The following ATCAY variants were observed in gnomAD, a reference collection of about 807,000 sequenced individuals.
ATCAY encodes caytaxin.
Under a neutral mutation model 47.7 loss-of-function variants are expected in ATCAY, and 22 were observed. The ratio of observed to expected loss-of-function variants is 0.46; its 90% CI spans 0.33 to 0.66. The LOEUF is 0.66. ATCAY is among the 30% of genes least tolerant of loss of function. ATCAY has a pLI of 0.02. For missense variants in ATCAY, 452 were observed against 515.0 expected (o/e 0.88, Z 1.18); for synonymous variants, 216 against 207.6 (o/e 1.04, Z -0.35).
intron 9 of ATCAY, among the ~76,000 whole-genome samples, chr19:3,914,458 A>G (rs1387094396): frequency 6.6e-6 from 1 of 151,922 alleles, no homozygotes; most frequent in Non-Finnish European, 1.5e-5. Context: ...GTGACCTCCC[A>G]CCAGGTCACT....
chr19:3,891,585 G>A (rs1475108332), intron 2 of ATCAY, among the ~76,000 whole-genome samples: 2 of 151,784 alleles, frequency 1.3e-5, no homozygotes, highest in Non-Finnish European at 2.9e-5. Flanking sequence ...GCTGTGAAGG[G>A]TGAGGAGGGA....
intron 12 of ATCAY, among the ~76,000 whole-genome samples, chr19:3,922,980 C>T (rs1180532792): frequency 6.6e-6 from 1 of 152,112 alleles, no homozygotes; most frequent in Non-Finnish European, 1.5e-5. Flanking sequence ...CTCCTGACCT[C>T]GTGATCCACC....
At chr19:3,908,418 C>T in intron 6 of ATCAY, 48 bp downstream of exon 6, 1 of 1,474,376 alleles carries the variant, frequency 6.8e-7, no homozygotes, top group Non-Finnish European at 9.3e-7. Flanking sequence ...TCTGATGCCT[C>T]CCTGGCCACA....
rs372229358 is a variant in ATCAY, at chr19:3,908,141, C to T, written c.545-127C>T. ...AGGCAGAGACTGGCTAAGGGGTCGCCGGCTGCTGTGGCTCGGAGCCATGCC... is the reference window on the plus strand; with the variant it reads ...AGGCAGAGACTGGCTAAGGGGTCGCTGGCTGCTGTGGCTCGGAGCCATGCC... On this transcript the variant is annotated intron_variant, in intron 5 of 12. Transcript: ENST00000450849. 5.9e-5 allele frequency: 62 copies of T among 1,047,394 alleles called. No homozygotes were observed. The East Asian group carries it at 8.6e-4, about 15-fold the overall frequency. 64.9% of individuals were successfully genotyped at this position (1,047,394 alleles called of 1,614,324 possible).
intron 2 of ATCAY, among the ~76,000 whole-genome samples, chr19:3,887,701 T>G (rs980145100): frequency 2.5e-4 from 37 of 150,326 alleles, no homozygotes; most frequent in Admixed American, 1.3e-3. Context: ...TTAGCCAGGA[T>G]GGTCTCGATC....
At position 3,905,526 on chromosome 19, in the gene ATCAY, G is replaced by T. The variant is rs2038852212; in HGVS notation, c.229G>T (p.Gly77Trp). The T allele has an allele frequency of 6.2e-7, 1 of 1,613,820 alleles. No individual in the cohort carries two copies. Among genetic ancestry groups the T allele is most frequent in the African/African-American group, 1.3e-5 (1 of 74,894 alleles). The change falls in exon 4 of 13, where the codon GGG becomes TGG. Residue 77 changes from glycine to tryptophan, a missense_variant. Coordinates refer to ENST00000450849, the MANE Select transcript of ATCAY (RefSeq NM_033064.5). ...EINISLDQSE[G>W]SLLSDDFLDT... Reference sequence around the variant, plus strand: ...CAACATTTCTCTGGATCAGAGTGAGGGGTCCCTGCTGTCCGATGACTTCTT... The same window carrying T: ...CAACATTTCTCTGGATCAGAGTGAGTGGTCCCTGCTGTCCGATGACTTCTT...
intron 1 of ATCAY, among the ~76,000 whole-genome samples, chr19:3,884,174 A>C (rs572376651): frequency 6.6e-6 from 1 of 151,970 alleles, no homozygotes; most frequent in African/African-American, 2.4e-5. Flanking sequence ...GTGGTCCCAG[A>C]TACTTGGGAG....
intron 8 of ATCAY, among the ~76,000 whole-genome samples, chr19:3,911,506 A>G (rs966331669): frequency 3.0e-4 from 46 of 152,074 alleles, no homozygotes; most frequent in African/African-American, 1.1e-3. Flanking sequence ...CCTGGGAGAC[A>G]GAGCAAAACA....
At chr19:3,901,979 G>A (rs887835789) in intron 2 of ATCAY, among the ~76,000 whole-genome samples, 5 of 151,978 alleles carry the variant, frequency 3.3e-5, no homozygotes, top group African/African-American at 9.7e-5. Context: ...CAGCCTGGGC[G>A]ACAGAGCGAG....
intron 2 of ATCAY, among the ~76,000 whole-genome samples, chr19:3,887,720 T>C (rs2038673963): frequency 1.3e-5 from 2 of 149,562 alleles, no homozygotes; most frequent in South Asian, 4.3e-4. Context: ...TCGTCTGACC[T>C]CGTGATCCGC....
At chr19:3,885,883 C>G in intron 2 of ATCAY, 39 bp downstream of exon 2, 1 of 1,536,012 alleles carries the variant, frequency 6.5e-7, no homozygotes, top group Non-Finnish European at 8.8e-7. Flanking sequence ...GTTGGGGGAG[C>G]AGGTGTCTCT....
chr19:3,910,761 C>A (rs370449188), intron 7 of ATCAY, 42 bp from the exon 8 acceptor site: 3 of 1,608,614 alleles, frequency 1.9e-6, no homozygotes, highest in Non-Finnish European at 2.6e-6. Context: ...CCCCAGGGCT[C>A]GCCCCAGGAG....
At chr19:3,894,731 T>C (rs1323651427) in intron 2 of ATCAY, among the ~76,000 whole-genome samples, 1 of 151,350 alleles carries the variant, frequency 6.6e-6, no homozygotes, top group Non-Finnish European at 1.5e-5. Flanking sequence ...GGAGAATTGC[T>C]TGAAATGTGA....
At chr19:3,897,358 G>C (rs2145233508) in intron 2 of ATCAY, among the ~76,000 whole-genome samples, 1 of 151,590 alleles carries the variant, frequency 6.6e-6, no homozygotes, top group Middle Eastern at 3.4e-3. Flanking sequence ...GGAGTGCAGT[G>C]GCTCGATCAT....
At chr19:3,887,184 C>T (rs1033038446) in intron 2 of ATCAY, among the ~76,000 whole-genome samples, 6 of 150,412 alleles carry the variant, frequency 4.0e-5, no homozygotes, top group East Asian at 2.1e-4. Flanking sequence ...GGGCTGGGCA[C>T]GGTGGCTCAC....
chr19:3,884,334 T>C (rs1025085135), intron 1 of ATCAY, among the ~76,000 whole-genome samples: 2 of 151,884 alleles, frequency 1.3e-5, no homozygotes, highest in African/African-American at 4.8e-5. Flanking sequence ...GTAGTAAAGA[T>C]GAGGGTCTCC....
At chr19:3,885,683 G>C in intron 1 of ATCAY, 44 bp from the exon 2 acceptor site, 1 of 1,165,306 alleles carries the variant, frequency 8.6e-7, no homozygotes, top group South Asian at 1.4e-5. Flanking sequence ...TTGTCATTAG[G>C]ACTATTGTCC....
At chr19:3,888,519 A>G (rs2038684711) in intron 2 of ATCAY, among the ~76,000 whole-genome samples, 1 of 151,852 alleles carries the variant, frequency 6.6e-6, no homozygotes, top group Non-Finnish European at 1.5e-5. Context: ...AATCCCAGCT[A>G]CTCAGGAGGC....
intron 12 of ATCAY, 145 bp from the exon 13 acceptor site, chr19:3,924,438 G>C (rs1218306331): frequency 7.4e-6 from 7 of 944,230 alleles, no homozygotes; most frequent in Non-Finnish European, 1.2e-5. Context: ...CAGGAGCCGG[G>C]CCCTGAAGGG....
Sources: gnomAD v4.1 joint callset for allele counts (sites outside exome capture counted in the v4.1 genomes callset) on GRCh38, gnomAD v4.1.1 for gene constraint, MANE v1.5 for transcripts, NCBI Gene and HGNC (gene_info 2026-07-23, HGNC 2026-07-21) for gene names.